The following CEP128 variants were observed in gnomAD, a reference collection of about 807,000 sequenced individuals.
CEP128 encodes centrosomal protein 128kDa.
CEP128 carries 132 observed loss-of-function variants against 156.7 expected under a neutral mutation model. The observed-to-expected ratio is 0.84, with a 90% confidence interval of 0.73 to 0.97. CEP128 has a LOEUF of 0.97. Among genes scored for constraint, CEP128 ranks in the 50% least tolerant of loss-of-function variants. The probability of loss-of-function intolerance (pLI) is 0.00; values close to 1 mark genes in which losing one functional copy is unlikely to be tolerated. For synonymous variants in CEP128, 469 were observed against 448.9 expected, an observed-to-expected ratio of 1.04 and a Z score of -0.57; for missense variants, 1,252 against 1,281.9, an observed-to-expected ratio of 0.98 and a Z score of 0.36.
At chr14:80,844,851 T>C (rs2140097153) in intron 9 of CEP128, among the ~76,000 whole-genome samples, 1 of 144,612 alleles carries the variant, frequency 6.9e-6, no homozygotes, top group East Asian at 2.1e-4. Context: ...AAGAGATGGA[T>C]GCTTTTTCTG....
intron 21 of CEP128, among the ~76,000 whole-genome samples, chr14:80,556,759 G>A (rs1188870722): frequency 6.6e-6 from 1 of 152,144 alleles, no homozygotes; most frequent in Admixed American, 6.5e-5. Flanking sequence ...CTTCTGTACT[G>A]TTAATAACAA....
intron 16 of CEP128, among the ~76,000 whole-genome samples, chr14:80,773,776 A>G (rs1180104350): frequency 3.3e-5 from 5 of 152,228 alleles, no homozygotes; most frequent in African/African-American, 7.2e-5. Flanking sequence ...TGTCACAAAA[A>G]TCAAAAGATT....
intron 19 of CEP128, among the ~76,000 whole-genome samples, chr14:80,640,412 C>T (rs913404238): frequency 2.0e-5 from 3 of 152,030 alleles, no homozygotes; most frequent in Admixed American, 1.3e-4. Context: ...TATAAAAGGG[C>T]TCTCATTTAT....
chr14:80,752,138 T>G (rs912652008), intron 18 of CEP128, among the ~76,000 whole-genome samples: 1 of 152,288 alleles, frequency 6.6e-6, no homozygotes, highest in Admixed American at 6.5e-5. Flanking sequence ...ATAAAAAGAT[T>G]ATAGCTTATA....
chr14:80,850,367 A>G (rs1355242315), intron 9 of CEP128, among the ~76,000 whole-genome samples: 6 of 152,206 alleles, frequency 3.9e-5, no homozygotes, highest in African/African-American at 1.2e-4. Flanking sequence ...GGCCAACTTT[A>G]ATAAACAGTG....
chr14:80,662,911 A>G (rs1044038349), intron 19 of CEP128, among the ~76,000 whole-genome samples: 1 of 152,210 alleles, frequency 6.6e-6, no homozygotes, highest in Admixed American at 6.5e-5. Flanking sequence ...AAATGTGGCC[A>G]GTGCAACTGA....
chr14:80,530,702 T>G (rs1889183555), intron 22 of CEP128, 107 bp downstream of exon 22: 6 of 643,702 alleles, frequency 9.3e-6, no homozygotes, highest in Non-Finnish European at 1.5e-5. Context: ...GTTCCCAATG[T>G]TTTTTGGTCC....
chr14:80,596,472 A>G (rs1892324196), intron 19 of CEP128, among the ~76,000 whole-genome samples: 1 of 152,162 alleles, frequency 6.6e-6, no homozygotes, highest in Non-Finnish European at 1.5e-5. Context: ...CATGAGTCAA[A>G]GAAAAGTTCT....
intron 19 of CEP128, among the ~76,000 whole-genome samples, chr14:80,597,037 G>A (rs1464611682): frequency 1.8e-4 from 27 of 150,506 alleles, no homozygotes. Flanking sequence ...AAACCAGCAA[G>A]CAGAAGTAAT....
intron 8 of CEP128, among the ~76,000 whole-genome samples, chr14:80,870,080 T>A (rs1887952904): frequency 6.6e-6 from 1 of 151,864 alleles, no homozygotes; most frequent in African/African-American, 2.4e-5. Context: ...AAACCAATAA[T>A]GAGTAAGGTG....
chr14:80,602,557 G>T (rs886643912), intron 19 of CEP128, among the ~76,000 whole-genome samples: 2 of 152,130 alleles, frequency 1.3e-5, no homozygotes, highest in African/African-American at 2.4e-5. Flanking sequence ...GGATCACAAG[G>T]TCAGGAGATT....
intron 19 of CEP128, among the ~76,000 whole-genome samples, chr14:80,642,952 C>T (rs1894483809): frequency 6.6e-6 from 1 of 151,956 alleles, no homozygotes; most frequent in African/African-American, 2.4e-5. Context: ...AGCAGGGTTT[C>T]ACCGTGTTAG....
At chr14:80,593,064 GA>G in intron 19 of CEP128, among the ~76,000 whole-genome samples, 1 of 152,222 alleles carries the variant, frequency 6.6e-6, no homozygotes, top group Admixed American at 6.5e-5. Flanking sequence ...GCAAAAACTG[GA>G]AGCATTCCCT....
intron 13 of CEP128, chr14:80,822,731 G>A: frequency 2.4e-6 from 2 of 841,816 alleles, no homozygotes; most frequent in Non-Finnish European, 4.1e-6. Flanking sequence ...GAATAGCCCT[G>A]TAGAAAATGG....
chr14:80,506,115 G>C (rs141818482), intron 23 of CEP128, among the ~76,000 whole-genome samples: 258 of 152,242 alleles, frequency 1.7e-3, no homozygotes, highest in African/African-American at 5.8e-3. Context: ...CACGAAATCA[G>C]CCAGGCGAAA....
chr14:80,490,612 G>C (rs1380232320), exon 7 of CEP128: 1 of 152,204 alleles, frequency 6.6e-6, no homozygotes, highest in Admixed American at 6.6e-5. Flanking sequence ...GGCATAGTCT[G>C]TTAGAAGGAG....
chr14:80,704,676 ATT>A (rs769385089), intron 19 of CEP128, among the ~76,000 whole-genome samples: 1 of 151,720 alleles, frequency 6.6e-6, no homozygotes, highest in African/African-American at 2.4e-5. Context: ...GTTGACTATA[ATT>A]TTTTTATAAA....
At chr14:80,743,838 A>G (rs751142582) in intron 18 of CEP128, among the ~76,000 whole-genome samples, 1 of 149,952 alleles carries the variant, frequency 6.7e-6, no homozygotes, top group Non-Finnish European at 1.5e-5. Context: ...AACCTCACCT[A>G]CCTTTTTTTC....
At chr14:80,861,226 A>G (rs1887497999) in intron 9 of CEP128, among the ~76,000 whole-genome samples, 1 of 152,058 alleles carries the variant, frequency 6.6e-6, no homozygotes, top group Non-Finnish European at 1.5e-5. Flanking sequence ...ATTAGTGAGC[A>G]AAAGTACAAT....
Sources: gnomAD v4.1 joint callset for allele counts (sites outside exome capture counted in the v4.1 genomes callset) on GRCh38, gnomAD v4.1.1 for gene constraint, MANE v1.5 for transcripts, NCBI Gene and HGNC (gene_info 2026-07-23, HGNC 2026-07-21) for gene names.